CDKL2: variants seen among roughly 807,000 people sequenced by gnomAD.
CDKL2 encodes the protein cyclin-dependent kinase-like 2.
In CDKL2, 64 loss-of-function variants were observed where a neutral mutation model predicts 63.9. The observed-to-expected ratio is 1.00, with a 90% CI of 0.82 to 1.23. CDKL2 has a LOEUF of 1.23. Among genes scored for constraint, CDKL2 ranks in the 50% most tolerant of loss-of-function variants. The pLI, the probability that CDKL2 is intolerant of heterozygous loss-of-function variation, is 0.00. For missense variants in CDKL2, 656 were observed against 668.0 expected, an observed-to-expected ratio of 0.98 and a Z score of 0.20; for synonymous variants, 211 against 229.2, an observed-to-expected ratio of 0.92 and a Z score of 0.72.
intron 3 of CDKL2, among the ~76,000 whole-genome samples, chr4:75,608,583 G>C (rs1729535389): frequency 6.6e-6 from 1 of 152,220 alleles, no homozygotes; most frequent in Non-Finnish European, 1.5e-5. Flanking sequence ...AAATCAGAGA[G>C]AAAGACGAGA....
At chr4:75,621,296 CAAA>C (rs59563954) in intron 2 of CDKL2, among the ~76,000 whole-genome samples, 1 of 129,114 alleles carries the variant, frequency 7.7e-6, no homozygotes, top group Non-Finnish European at 1.6e-5. Context: ...AATTAACAGA[CAAA>C]AAAAAAAAAA....
chr4:75,597,376 G>T, intron 8 of CDKL2, 140 bp from the exon 9 acceptor site: 1 of 619,220 alleles, frequency 1.6e-6, no homozygotes, highest in Non-Finnish European at 2.8e-6. Flanking sequence ...TTCTTCCTAG[G>T]GGATTAAAAT....
At chr4:75,613,134 T>TA (rs936174541) in intron 3 of CDKL2, among the ~76,000 whole-genome samples, 7 of 43,564 alleles carry the variant, frequency 1.6e-4, no homozygotes, top group Non-Finnish European at 3.1e-4. Flanking sequence ...CAAAAAAAAA[T>TA]AGATTTTCTG....
intron 13 of CDKL2, among the ~76,000 whole-genome samples, chr4:75,581,200 T>C (rs914669000): frequency 1.2e-4 from 19 of 152,222 alleles, no homozygotes; most frequent in African/African-American, 4.1e-4. Context: ...CCTAGTGACA[T>C]TGTAGCTAGT....
chr4:75,612,654 A>G (rs991076967), intron 3 of CDKL2, among the ~76,000 whole-genome samples: 1 of 152,066 alleles, frequency 6.6e-6, no homozygotes, highest in Non-Finnish European at 1.5e-5. Flanking sequence ...ATTCACTAAC[A>G]CCTCATGCTG....
intron 12 of CDKL2, among the ~76,000 whole-genome samples, chr4:75,587,744 A>G (rs1436693431): frequency 7.2e-6 from 1 of 138,264 alleles, no homozygotes; most frequent in African/African-American, 2.6e-5. Context: ...TCTACTAAAA[A>G]TACAAAAAAA....
intron 3 of CDKL2, among the ~76,000 whole-genome samples, chr4:75,610,162 C>T (rs1348174746): frequency 6.6e-6 from 1 of 151,056 alleles, no homozygotes; most frequent in African/African-American, 2.4e-5. Flanking sequence ...GAAATCGAGC[C>T]ACTGCACTCC....
At chr4:75,613,246 C>A (rs1186622771) in intron 3 of CDKL2, among the ~76,000 whole-genome samples, 1 of 152,122 alleles carries the variant, frequency 6.6e-6, no homozygotes, top group Admixed American at 6.5e-5. Flanking sequence ...CTCTACTGAG[C>A]AATTTTTTTA....
rs530793007 is a variant in CDKL2, at chr4:75,592,412, CA to C, written c.1417-144del. The C allele has an allele frequency of 1.9e-4, 108 of 575,766 alleles. 1 individual carries two copies. The highest frequency in any genetic ancestry group is 5.0e-4 in the Middle Eastern group (1 of 2,020). The allele number at this position is 575,766 out of a possible 1,614,324, so 35.7% of individuals were successfully genotyped here. ...AAAAATTTGAAGGACATTAATAATA[CA>C]AAAAAAATTCATCCAATTATTTCAA... On this transcript the variant is annotated intron_variant, in intron 10 of 13. Transcript: ENST00000307465.
intron 12 of CDKL2, among the ~76,000 whole-genome samples, chr4:75,588,444 C>T (rs1308301391): frequency 6.6e-6 from 1 of 151,882 alleles, no homozygotes; most frequent in African/African-American, 2.4e-5. Context: ...ATCATAGTAG[C>T]AGTAATAGGA....
chr4:75,592,071 A>T, intron 11 of CDKL2, 75 bp downstream of exon 11: 1 of 1,413,254 alleles, frequency 7.1e-7, no homozygotes, highest in African/African-American at 1.4e-5. Context: ...ATGAATTTTT[A>T]TTTTTAAATT....
intron 12 of CDKL2, among the ~76,000 whole-genome samples, chr4:75,583,242 T>C (rs188739328): frequency 3.3e-5 from 5 of 152,244 alleles, no homozygotes; most frequent in Non-Finnish European, 4.4e-5. Flanking sequence ...GTAGTACATA[T>C]GAAGTTCTAA....
chr4:75,621,502 C>T (rs1355040941), intron 2 of CDKL2, among the ~76,000 whole-genome samples: 3 of 151,916 alleles, frequency 2.0e-5, no homozygotes, highest in African/African-American at 7.3e-5. Flanking sequence ...ACCCTGAATG[C>T]TATATCCTGA....
chr4:75,610,624 T>G (rs961550571), intron 3 of CDKL2, among the ~76,000 whole-genome samples: 1 of 152,198 alleles, frequency 6.6e-6, no homozygotes, highest in Non-Finnish European at 1.5e-5. Context: ...GGGTCAAACT[T>G]CAATGGGCAG....
chr4:75,603,214 A>ATGGT (rs1162139590), intron 6 of CDKL2, among the ~76,000 whole-genome samples: 1 of 144,536 alleles, frequency 6.9e-6, no homozygotes, highest in Non-Finnish European at 1.5e-5. Flanking sequence ...GTTAGCCAGG[A>ATGGT]TGGTCTCGAT....
At chr4:75,601,602 ATTCT>A (rs1461246509) in intron 6 of CDKL2, among the ~76,000 whole-genome samples, 1 of 152,172 alleles carries the variant, frequency 6.6e-6, no homozygotes, top group Non-Finnish European at 1.5e-5. Flanking sequence ...TTAAACAACT[ATTCT>A]TTCTATTTTC....
intron 10 of CDKL2, chr4:75,596,031 A>AG (rs1728915474): frequency 1.3e-4 from 7 of 52,544 alleles, no homozygotes; most frequent in Admixed American, 6.4e-4. Context: ...GAAGGAAGGA[A>AG]GAAAGGAAGG....
At chr4:75,601,664 T>A (rs1168028528) in intron 6 of CDKL2, among the ~76,000 whole-genome samples, 1 of 152,204 alleles carries the variant, frequency 6.6e-6, no homozygotes, top group African/African-American at 2.4e-5. Flanking sequence ...AAGTTTTATA[T>A]GATTCCTTAA....
chr4:75,581,558 TC>T (rs973967437), intron 13 of CDKL2, among the ~76,000 whole-genome samples: 1 of 152,174 alleles, frequency 6.6e-6, no homozygotes, highest in African/African-American at 2.4e-5. Flanking sequence ...CACCCTAAAT[TC>T]ACATTACTAT....
Sources: allele counts gnomAD v4.1 joint callset (sites outside exome capture counted in the v4.1 genomes callset), GRCh38; gene constraint gnomAD v4.1.1; transcripts MANE v1.5; gene names NCBI Gene and HGNC (gene_info 2026-07-23, HGNC 2026-07-21).